GRK3: variants seen among roughly 807,000 people sequenced by gnomAD.
The protein encoded by GRK3 is G protein-coupled receptor kinase 3.
GRK3 carries 54 observed loss-of-function variants against 95.7 expected under a neutral mutation model. The ratio of observed to expected loss-of-function variants is 0.56; its 90% CI spans 0.45 to 0.71. The LOEUF is 0.71. Ranked by LOEUF, GRK3 falls within the 30% of genes least tolerant of loss-of-function variation. The probability of loss-of-function intolerance (pLI) is 0.00; values close to 1 mark genes in which losing one functional copy is unlikely to be tolerated. For synonymous variants in GRK3, 281 were observed against 290.8 expected (o/e 0.97, Z 0.34); for missense variants, 649 against 851.2 (o/e 0.76, Z 2.96).
In GRK3 at chr22:25,684,080, T is replaced by C. The variant is rs78151115; in HGVS notation, c.748-1090T>C. Among the ~76,000 whole-genome samples, 1,333 of 152,354 alleles carry C rather than the reference T, an allele frequency of 8.7e-3. 20 individuals are homozygous for C. Among genetic ancestry groups the C allele is most frequent in the African/African-American group, 0.03 (1,248 of 41,582 alleles). On this transcript the variant is annotated intron_variant, in intron 9 of 20. Transcript: ENST00000324198. Reference sequence around the variant, plus strand: ...AGGTTCATATTTTATTGTACAGATATTCAGTTGCTCCAGCACCACTGATTG... The same window carrying C: ...AGGTTCATATTTTATTGTACAGATACTCAGTTGCTCCAGCACCACTGATTG...
At chr22:25,605,413 C>T (rs2084438072) in intron 2 of GRK3, among the ~76,000 whole-genome samples, 1 of 152,126 alleles carries the variant, frequency 6.6e-6, no homozygotes, top group African/African-American at 2.4e-5. Flanking sequence ...TTACTATAAG[C>T]TACACAGATG....
chr22:25,674,292 C>A, intron 7 of GRK3, 145 bp from the exon 8 acceptor site: 2 of 560,436 alleles, frequency 3.6e-6, no homozygotes, highest in Non-Finnish European at 3.0e-6. Flanking sequence ...TCTCATCCTT[C>A]AGCTTAAAGA....
chr22:25,613,668 C>T (rs2084515475), intron 2 of GRK3, among the ~76,000 whole-genome samples: 1 of 151,530 alleles, frequency 6.6e-6, no homozygotes, highest in Non-Finnish European at 1.5e-5. Flanking sequence ...AAAGCTGTTT[C>T]TTACAAACCT....
chr22:25,655,095 G>A (rs1344712511), intron 3 of GRK3, among the ~76,000 whole-genome samples: 1 of 151,930 alleles, frequency 6.6e-6, no homozygotes, highest in East Asian at 1.9e-4. Context: ...ATTTCTGCTT[G>A]TTGATTTGTG....
chr22:25,709,220 G>A (rs568817253), intron 15 of GRK3, among the ~76,000 whole-genome samples: 1 of 151,902 alleles, frequency 6.6e-6, no homozygotes, highest in African/African-American at 2.4e-5. Flanking sequence ...TGTATTTTCG[G>A]TAGAGAAGGG....
In GRK3 at chr22:25,722,686, G is replaced by C; in HGVS notation, c.*236G>C. The stretch of plus-strand genomic sequence containing the variant: ...CTTTGCTACACACTTTGGTACCTAT[G>C]AACCTAGAACTTGAAGTGACTCCTA... On this transcript the variant is annotated 3_prime_UTR_variant, in exon 21 of 21. Coordinates refer to ENST00000324198, the MANE Select transcript of GRK3 (RefSeq NM_005160.4). The C allele has an allele frequency of 2.4e-6, 1 of 421,420 alleles. No homozygotes were observed. Among genetic ancestry groups the C allele is most frequent in the East Asian group, 3.8e-5 (1 of 26,482 alleles). The allele number at this position is 421,420 out of a possible 1,614,324, so 26.1% of individuals were successfully genotyped here. A position where few individuals can be genotyped will look rare whatever the true frequency, so the allele number is the denominator to read the frequency against.
At chr22:25,713,159 G>A (rs1295857262) in intron 17 of GRK3, among the ~76,000 whole-genome samples, 2 of 152,228 alleles carry the variant, frequency 1.3e-5, no homozygotes, top group Non-Finnish European at 2.9e-5. Context: ...TGGGCAAGGA[G>A]CATGCTTTGA....
chr22:25,714,346 G>A lies in GRK3; in HGVS notation c.1492-62G>A, dbSNP rs191651124. The stretch of plus-strand genomic sequence containing the variant: ...ATAGAGTCACCATGGATGTGGCGCC[G>A]CGGACTCTTACCTTTGTAAGTATGT... On this transcript the variant is annotated intron_variant, in intron 17 of 20. Transcript: ENST00000324198. 121 of 1,457,580 alleles carry A rather than the reference G, an allele frequency of 8.3e-5. 1 individual carries two copies. The highest frequency in any genetic ancestry group is 5.1e-4 in the South Asian group (39 of 76,040). The allele number at this position is 1,457,580 out of a possible 1,614,324, so 90.3% of individuals were successfully genotyped here.
At chr22:25,642,664 A>C (rs953472303) in intron 2 of GRK3, among the ~76,000 whole-genome samples, 1 of 152,036 alleles carries the variant, frequency 6.6e-6, no homozygotes, top group African/African-American at 2.4e-5. Context: ...TTTACTCCCT[A>C]TGTCCATGTG....
intron 6 of GRK3, among the ~76,000 whole-genome samples, chr22:25,670,833 C>CACAAGGTCAG (rs2084975119): frequency 7.8e-5 from 11 of 140,862 alleles, no homozygotes; most frequent in East Asian, 2.1e-4. Flanking sequence ...GCGGGCGGAT[C>CACAAGGTCAG]GAGACCATCC....
intron 2 of GRK3, among the ~76,000 whole-genome samples, chr22:25,610,436 C>T (rs2146346447): frequency 6.6e-6 from 1 of 152,272 alleles, no homozygotes; most frequent in Non-Finnish European, 1.5e-5. Context: ...CACGGCTGTC[C>T]AGCTTGGGCA....
intron 2 of GRK3, among the ~76,000 whole-genome samples, chr22:25,623,881 A>G (rs1031763518): frequency 6.6e-6 from 1 of 151,902 alleles, no homozygotes; most frequent in Non-Finnish European, 1.5e-5. Context: ...TCCTATATTA[A>G]TTTTTTTCTT....
intron 3 of GRK3, 86 bp from the exon 4 acceptor site, chr22:25,661,490 G>T: frequency 1.4e-6 from 1 of 736,582 alleles, no homozygotes; most frequent in South Asian, 1.9e-5. Flanking sequence ...ATGTGCAAGT[G>T]GTTTCTGCCT....
chr22:25,690,387 T>C, intron 12 of GRK3, 104 bp downstream of exon 12: 1 of 802,548 alleles, frequency 1.2e-6, no homozygotes, highest in Admixed American at 2.2e-5. Flanking sequence ...ATTTTCAATA[T>C]GTCAGGAAGA....
At chr22:25,712,316 C>T (rs902562499) in intron 17 of GRK3, among the ~76,000 whole-genome samples, 4 of 152,298 alleles carry the variant, frequency 2.6e-5, no homozygotes, top group East Asian at 3.9e-4. Context: ...GCATTGAGAC[C>T]GATGCCTAGA....
chr22:25,718,327 C>T lies in GRK3; in HGVS notation c.1737C>T (p.Arg579=), dbSNP rs1033076495. ...CATTTCTGACTCAGTGGCAGCGTCG[C>T]TATTTTTACCTCTTTCCAAATAGAC... is the stretch of plus-strand genomic sequence containing the variant. ...GNPFLTQWQR[R]YFYLFPNRLE... The change falls in exon 19 of 21, where the codon CGC becomes CGT. Residue 579 remains arginine, a synonymous_variant. Coordinates refer to ENST00000324198, the MANE Select transcript of GRK3 (RefSeq NM_005160.4). 6.2e-7 allele frequency: 1 copy of T among 1,614,110 alleles called. No individual in the cohort carries two copies. The highest frequency in any genetic ancestry group is 8.5e-7 in the Non-Finnish European group (1 of 1,180,000).
intron 1 of GRK3, among the ~76,000 whole-genome samples, chr22:25,573,136 G>A (rs1931765797): frequency 6.6e-6 from 1 of 152,212 alleles, no homozygotes; most frequent in African/African-American, 2.4e-5. Context: ...AGCTCAAGAT[G>A]CCTTTTATAG....
intron 7 of GRK3, among the ~76,000 whole-genome samples, chr22:25,673,438 T>C (rs2085001338): frequency 6.6e-6 from 1 of 152,016 alleles, no homozygotes; most frequent in Non-Finnish European, 1.5e-5. Context: ...TTTTTCAATT[T>C]CTAACCTCCT....
chr22:25,708,738 T>C (rs1248182572), intron 15 of GRK3, among the ~76,000 whole-genome samples: 2 of 151,778 alleles, frequency 1.3e-5, no homozygotes, highest in Non-Finnish European at 2.9e-5. Flanking sequence ...CTCGGCTCAC[T>C]GCAACCTCCA....
Sources: gnomAD v4.1 joint callset for allele counts (sites outside exome capture counted in the v4.1 genomes callset) on GRCh38, gnomAD v4.1.1 for gene constraint, MANE v1.5 for transcripts, NCBI Gene and HGNC (gene_info 2026-07-23, HGNC 2026-07-21) for gene names.